Variants in HECW1 observed in about 807,000 individuals in gnomAD.
HECW1 encodes E3 ubiquitin-protein ligase HECW1.
A neutral mutation model predicts 182.3 loss-of-function variants in HECW1; 61 were observed. The observed-to-expected ratio is 0.33, with a 90% CI of 0.27 to 0.41. The LOEUF is 0.41. Ranked by LOEUF, HECW1 falls within the 10% of genes least tolerant of loss-of-function variation. The probability of loss-of-function intolerance (pLI) is 1.00; values close to 1 mark genes in which losing one functional copy is unlikely to be tolerated. For missense variants in HECW1, 1,739 were observed against 2,108.9 expected (o/e 0.82, Z 3.44); for synonymous variants, 859 against 832.6 (o/e 1.03, Z -0.55).
chr7:43,323,411 T>C (rs1810372206), intron 5 of HECW1, among the ~76,000 whole-genome samples: 1 of 152,044 alleles, frequency 6.6e-6, no homozygotes, highest in African/African-American at 2.4e-5. Context: ...CTGGGCAATG[T>C]GGAAAAACCC....
chr7:43,474,444 G>A (rs1463155356), intron 16 of HECW1, among the ~76,000 whole-genome samples: 1 of 151,924 alleles, frequency 6.6e-6, no homozygotes, highest in Non-Finnish European at 1.5e-5. Context: ...GCGAGACTCT[G>A]TCTCAAAAAA....
chr7:43,227,765 G>A (rs1018660363), intron 2 of HECW1, among the ~76,000 whole-genome samples: 1 of 152,216 alleles, frequency 6.6e-6, no homozygotes, highest in Non-Finnish European at 1.5e-5. Flanking sequence ...TAATACGACT[G>A]TATTTTAAAG....
intron 3 of HECW1, among the ~76,000 whole-genome samples, chr7:43,288,735 CCT>C (rs1362369984): frequency 6.6e-6 from 1 of 152,274 alleles, no homozygotes; most frequent in African/African-American, 2.4e-5. Context: ...ATTCACCCAC[CCT>C]CTCTTGTCAG....
Position 43,187,582 on chromosome 7 carries a change from C to G in HECW1, c.-31-56293C>G, listed in dbSNP as rs565526890. Among the ~76,000 whole-genome samples the G allele has an allele frequency of 4.0e-5, 6 of 151,768 alleles. 1 individual carries two copies. The highest frequency in any genetic ancestry group is 1.5e-4 in the African/African-American group (6 of 41,328). ...TTTTGTGACTTCTATTACTAATATTCTTATGTTGTTTGTGTGAAATTTTGA... is the reference window on the plus strand; with the variant it reads ...TTTTGTGACTTCTATTACTAATATTGTTATGTTGTTTGTGTGAAATTTTGA... On this transcript the variant is annotated intron_variant, in intron 2 of 29. Transcript: ENST00000395891.
intron 28 of HECW1, 104 bp from the exon 29 acceptor site, chr7:43,554,488 G>A (rs7811136): frequency 0.32 from 302,577 of 952,390 alleles, 49,694 homozygotes; most frequent in East Asian, 0.45. Flanking sequence ...CAAAAGCAGC[G>A]GTTCCGTTCC....
At chr7:43,207,760 T>C (rs1365261915) in intron 2 of HECW1, 1 of 152,202 alleles carries the variant, frequency 6.6e-6, no homozygotes, top group Non-Finnish European at 1.5e-5. Context: ...TATTGTACTT[T>C]AAAAAACATG....
At chr7:43,502,103 T>G (rs2079387099) in intron 21 of HECW1, among the ~76,000 whole-genome samples, 1 of 152,212 alleles carries the variant, frequency 6.6e-6, no homozygotes, top group African/African-American at 2.4e-5. Context: ...AAAGTCACTC[T>G]CCGAGCATTT....
In HECW1 at chr7:43,112,916, T is replaced by C; in HGVS notation, c.-288T>C. ...TGCGCGCTGACAGGAGCATGATCTGTGCCCAGGCCAGGGCTGCCAAGGTAA... is the reference window on the plus strand; with the variant it reads ...TGCGCGCTGACAGGAGCATGATCTGCGCCCAGGCCAGGGCTGCCAAGGTAA... On this transcript the variant is annotated 5_prime_UTR_variant, in exon 1 of 30. Coordinates refer to ENST00000395891, the MANE Select transcript of HECW1 (RefSeq NM_015052.5). The C allele has an allele frequency of 4.6e-6, 1 of 217,030 alleles. No homozygotes were observed. Among genetic ancestry groups the C allele is most frequent in the Non-Finnish European group, 9.3e-6 (1 of 107,640 alleles). The allele number at this position is 217,030 out of a possible 1,614,324, so 13.4% of individuals were successfully genotyped here.
At chr7:43,316,344 A>C (rs1809246413) in intron 4 of HECW1, among the ~76,000 whole-genome samples, 1 of 152,158 alleles carries the variant, frequency 6.6e-6, no homozygotes, top group Admixed American at 6.5e-5. Context: ...CTAGTGCTTC[A>C]AGTTATTATT....
chr7:43,113,336 G>A (rs1036955884), intron 1 of HECW1, among the ~76,000 whole-genome samples: 1 of 151,392 alleles, frequency 6.6e-6, no homozygotes, highest in South Asian at 2.1e-4. Flanking sequence ...CCCACCCCTT[G>A]TGAACCAAAG....
In HECW1 at chr7:43,320,692, A is replaced by T. The variant is rs922530497; in HGVS notation, c.410A>T (p.His137Leu). Residue 137 changes from histidine to leucine, a missense_variant, in exon 5 of 30, where the codon CAT becomes CTT. Physicochemically the swap from His to Leu is moderately conservative, Grantham distance 99 (BLOSUM62 -3). Coordinates refer to ENST00000395891, the MANE Select transcript of HECW1 (RefSeq NM_015052.5). ...DYKNRGVNGS[H>L]RGQIIWKIDA... The stretch of plus-strand genomic sequence containing the variant: ...AAAAACCGTGGAGTCAATGGTTCTC[A>T]TCGGGGCCAGATCATCTGGAAGATC... 1 of 1,614,054 alleles carries T rather than the reference A, an allele frequency of 6.2e-7. No individual in the cohort carries two copies. Among genetic ancestry groups the T allele is most frequent in the Admixed American group, 1.7e-5 (1 of 60,008 alleles).
Position 43,114,143 on chromosome 7 carries a change from T to C in HECW1, c.-266-14T>C, listed in dbSNP as rs984356505. ...GCAATTCTCCCCTTGTTTTCCCCCCTTCTCTTTGAAAAGATATCAATGCTA... is the reference window on the plus strand; with the variant it reads ...GCAATTCTCCCCTTGTTTTCCCCCCCTCTCTTTGAAAAGATATCAATGCTA... On this transcript the variant is annotated splice_polypyrimidine_tract_variant and intron_variant, in intron 1 of 29. Transcript: ENST00000395891. 3.3e-6 allele frequency: 3 copies of C among 902,750 alleles called. No individual in the cohort carries two copies. The Admixed American group carries it at 1.0e-4, about 30-fold the overall frequency. 55.9% of individuals were successfully genotyped at this position (902,750 alleles called of 1,614,324 possible). A position where few individuals can be genotyped will look rare whatever the true frequency, so the allele number is the denominator to read the frequency against.
intron 5 of HECW1, among the ~76,000 whole-genome samples, chr7:43,324,137 G>A (rs947627930): frequency 6.6e-6 from 1 of 152,198 alleles, no homozygotes; most frequent in Admixed American, 6.5e-5. Context: ...GACTTGAGAA[G>A]ATGTTGGTCC....
intron 2 of HECW1, among the ~76,000 whole-genome samples, chr7:43,132,207 A>G (rs1327768577): frequency 6.8e-6 from 1 of 147,990 alleles, no homozygotes; most frequent in African/African-American, 2.5e-5. Flanking sequence ...TCTCTTGCCA[A>G]TTTGAATTAA....
chr7:43,544,593 A>G (rs773338076), intron 26 of HECW1, among the ~76,000 whole-genome samples: 17 of 104,082 alleles, frequency 1.6e-4, no homozygotes, highest in Non-Finnish European at 3.8e-4. Context: ...TTGACTCAGC[A>G]CACGTCTAGA....
At chr7:43,548,159 T>G (rs1249176894) in intron 26 of HECW1, among the ~76,000 whole-genome samples, 4 of 152,250 alleles carry the variant, frequency 2.6e-5, no homozygotes, top group Non-Finnish European at 5.9e-5. Flanking sequence ...AACTTTTTAA[T>G]AATAGATTTG....
At chr7:43,209,908 C>T (rs990382788) in intron 2 of HECW1, among the ~76,000 whole-genome samples, 1 of 152,208 alleles carries the variant, frequency 6.6e-6, no homozygotes, top group Non-Finnish European at 1.5e-5. Flanking sequence ...CCCAGTCCCA[C>T]AGCATCTCTA....
intron 2 of HECW1, among the ~76,000 whole-genome samples, chr7:43,224,662 A>C (rs1344572853): frequency 1.0e-5 from 1 of 98,236 alleles, no homozygotes; most frequent in Non-Finnish European, 2.2e-5. Flanking sequence ...TCTACAGAAA[A>C]TAAAAAGCCG....
chr7:43,469,924 G>A (rs2077949909), intron 16 of HECW1, among the ~76,000 whole-genome samples: 1 of 152,176 alleles, frequency 6.6e-6, no homozygotes, highest in African/African-American at 2.4e-5. Context: ...AAAGGGAGCT[G>A]ATGGGGCATC....
Sources: allele counts gnomAD v4.1 joint callset (sites outside exome capture counted in the v4.1 genomes callset), GRCh38; gene constraint gnomAD v4.1.1; transcripts MANE v1.5; gene names NCBI Gene and HGNC (gene_info 2026-07-23, HGNC 2026-07-21).